The following NAALADL2 variants were observed in gnomAD, a reference collection of about 807,000 sequenced individuals.
NAALADL2 encodes N-acetylated alpha-linked acidic dipeptidase like 2, also known as inactive N-acetylated-alpha-linked acidic dipeptidase-like protein 2.
Under a neutral mutation model 87.2 loss-of-function variants are expected in NAALADL2, and 76 were observed. The ratio of observed to expected loss-of-function variants is 0.87; its 90% CI spans 0.72 to 1.05. The LOEUF is 1.05. Ranked by LOEUF, NAALADL2 falls within the 50% of genes least tolerant of loss-of-function variation. The probability of loss-of-function intolerance (pLI) is 0.00; values close to 1 mark genes in which losing one functional copy is unlikely to be tolerated. For missense variants in NAALADL2, 1,089 were observed against 945.8 expected (o/e 1.15, Z -1.99); for synonymous variants, 354 against 331.0 (o/e 1.07, Z -0.75).
intron 2 of NAALADL2, among the ~76,000 whole-genome samples, chr3:175,170,828 A>C (rs1035940755): frequency 2.0e-5 from 3 of 151,800 alleles, no homozygotes; most frequent in African/African-American, 7.2e-5. Flanking sequence ...TCCTATAAAG[A>C]ATATAAGGAA....
intron 11 of NAALADL2, among the ~76,000 whole-genome samples, chr3:175,677,104 C>T (rs952544482): frequency 1.3e-5 from 2 of 152,122 alleles, no homozygotes; most frequent in African/African-American, 4.8e-5. Flanking sequence ...GTGGTTCACG[C>T]CTATAATCCT....
intron 1 of NAALADL2, among the ~76,000 whole-genome samples, chr3:174,480,689 C>T (rs1717495929): frequency 1.3e-5 from 2 of 151,964 alleles, no homozygotes; most frequent in African/African-American, 4.8e-5. Flanking sequence ...TAATCTAAAC[C>T]TATTATCAGC....
chr3:175,712,391 G>A (rs1364123101), intron 11 of NAALADL2, among the ~76,000 whole-genome samples: 2 of 152,010 alleles, frequency 1.3e-5, no homozygotes, highest in African/African-American at 2.4e-5. Context: ...CTTCCTTGCT[G>A]AGATGAAGTG....
chr3:175,205,123 C>A (rs190702547), intron 2 of NAALADL2, among the ~76,000 whole-genome samples: 1 of 152,010 alleles, frequency 6.6e-6, no homozygotes, highest in Non-Finnish European at 1.5e-5. Flanking sequence ...TCATATGGAA[C>A]CAAAAAAGTG....
At chr3:175,086,678 A>G (rs1718997811) in intron 1 of NAALADL2, among the ~76,000 whole-genome samples, 1 of 151,904 alleles carries the variant, frequency 6.6e-6, no homozygotes, top group Non-Finnish European at 1.5e-5. Flanking sequence ...GAGGTCTTTC[A>G]TTTTTTATAT....
intron 3 of NAALADL2, among the ~76,000 whole-genome samples, chr3:174,812,417 A>G (rs574860299): frequency 6.6e-6 from 1 of 152,234 alleles, no homozygotes; most frequent in Non-Finnish European, 1.5e-5. Context: ...ATTGTTAGTC[A>G]TACCAAAGTA....
At chr3:175,636,696 T>TAAAAAAAAAAA (rs529189291) in intron 11 of NAALADL2, among the ~76,000 whole-genome samples, 7 of 82,374 alleles carry the variant, frequency 8.5e-5, no homozygotes, top group Non-Finnish European at 1.2e-4. Context: ...AGACTCCATC[T>TAAAAAAAAAAA]AAAAAAAAAA....
chr3:175,346,868 C>G (rs10936843), intron 5 of NAALADL2, among the ~76,000 whole-genome samples: 24,137 of 152,098 alleles, frequency 0.16, 2,695 homozygotes, highest in African/African-American at 0.32. Context: ...TGTGAGTTGA[C>G]CAACTACTTT....
intron 6 of NAALADL2, among the ~76,000 whole-genome samples, chr3:175,450,540 C>T (rs1721409873): frequency 6.6e-6 from 1 of 152,086 alleles, no homozygotes; most frequent in South Asian, 2.1e-4. Flanking sequence ...AATTTTTCTA[C>T]TACCAAATCA....
intron 1 of NAALADL2, among the ~76,000 whole-genome samples, chr3:174,467,016 GT>G (rs949373935): frequency 2.7e-5 from 4 of 150,570 alleles, no homozygotes; most frequent in Non-Finnish European, 4.4e-5. Context: ...ATTAGAAGTT[GT>G]TTTTTTTTAT....
At chr3:175,032,858 G>T (rs1196822173) in intron 1 of NAALADL2, among the ~76,000 whole-genome samples, 1 of 151,910 alleles carries the variant, frequency 6.6e-6, no homozygotes, top group Non-Finnish European at 1.5e-5. Context: ...AGTGGATGGA[G>T]TTTTATTTTT....
chr3:175,139,935 G>A (rs1729742023), intron 2 of NAALADL2, among the ~76,000 whole-genome samples: 1 of 151,954 alleles, frequency 6.6e-6, no homozygotes, highest in Admixed American at 6.6e-5. Context: ...TAATTGGGTG[G>A]TAAGGCAGTA....
chr3:175,314,688 A>AGTTCTAAC (rs1367740377), intron 4 of NAALADL2, among the ~76,000 whole-genome samples: 6 of 39,610 alleles, frequency 1.5e-4, no homozygotes, highest in African/African-American at 9.1e-4. Context: ...ATATATATAT[A>AGTTCTAAC]TATATATATA....
intron 1 of NAALADL2, among the ~76,000 whole-genome samples, chr3:174,984,812 G>A (rs773785013): frequency 3.9e-5 from 6 of 152,176 alleles, no homozygotes; most frequent in African/African-American, 2.4e-5. Flanking sequence ...AGAACCAAGT[G>A]AAGGCTAGTG....
chr3:174,930,295 T>A (rs1204666350), intron 1 of NAALADL2, among the ~76,000 whole-genome samples: 22 of 152,068 alleles, frequency 1.4e-4, no homozygotes, highest in Admixed American at 1.1e-3. Flanking sequence ...GTGATTTTTT[T>A]AAAAAAATGT....
intron 2 of NAALADL2, among the ~76,000 whole-genome samples, chr3:175,222,808 A>G: frequency 6.6e-6 from 1 of 152,308 alleles, no homozygotes; most frequent in East Asian, 1.9e-4. Context: ...AGAATACAAC[A>G]TTTTATGAAA....
intron 1 of NAALADL2, among the ~76,000 whole-genome samples, chr3:174,951,469 A>G (rs1740336664): frequency 6.6e-6 from 1 of 152,116 alleles, no homozygotes; most frequent in African/African-American, 2.4e-5. Flanking sequence ...CAAAGTATAG[A>G]GAGGTTATGC....
intron 10 of NAALADL2, among the ~76,000 whole-genome samples, chr3:175,584,927 A>C (rs1287840013): frequency 1.3e-5 from 2 of 152,124 alleles, no homozygotes; most frequent in Non-Finnish European, 2.9e-5. Flanking sequence ...CTTAATAAAC[A>C]CTATACACAT....
At chr3:175,394,556 T>G (rs1478607917) in intron 5 of NAALADL2, among the ~76,000 whole-genome samples, 1 of 152,210 alleles carries the variant, frequency 6.6e-6, no homozygotes, top group East Asian at 1.9e-4. Flanking sequence ...ATTCATTGTG[T>G]TTTACACAAC....
Sources: gnomAD v4.1 joint callset for allele counts (sites outside exome capture counted in the v4.1 genomes callset) on GRCh38, gnomAD v4.1.1 for gene constraint, MANE v1.5 for transcripts, NCBI Gene and HGNC (gene_info 2026-07-23, HGNC 2026-07-21) for gene names.